FNBP1: variants seen among roughly 807,000 people sequenced by gnomAD.
FNBP1 encodes the protein formin-binding protein 1.
Under a neutral mutation model 90.6 loss-of-function variants are expected in FNBP1, and 26 were observed. The ratio of observed to expected loss-of-function variants is 0.29; its 90% CI spans 0.21 to 0.40. The LOEUF (loss-of-function observed/expected upper bound fraction) is 0.40. FNBP1 is among the 10% of genes least tolerant of loss of function. The probability of loss-of-function intolerance (pLI) is 1.00; values close to 1 mark genes in which losing one functional copy is unlikely to be tolerated. For synonymous variants in FNBP1, 260 were observed against 265.2 expected (o/e 0.98, Z 0.19); for missense variants, 635 against 768.0 (o/e 0.83, Z 2.05).
At chr9:129,935,121 ATTTTT>A (rs11410932) in intron 6 of FNBP1, among the ~76,000 whole-genome samples, 2 of 127,078 alleles carry the variant, frequency 1.6e-5, no homozygotes, top group African/African-American at 5.9e-5. Context: ...TGTTTAGCTC[ATTTTT>A]TTTTTTTTTT....
chr9:129,988,922 AT>A (rs925030169), intron 2 of FNBP1, among the ~76,000 whole-genome samples: 24 of 152,154 alleles, frequency 1.6e-4, no homozygotes, highest in African/African-American at 5.8e-4. Flanking sequence ...CAGAAAAAAA[AT>A]ATTTAATGAT....
At chr9:130,007,925 G>A (rs1404587423) in intron 1 of FNBP1, among the ~76,000 whole-genome samples, 2 of 149,624 alleles carry the variant, frequency 1.3e-5, no homozygotes, top group African/African-American at 4.9e-5. Flanking sequence ...TTGAACCTGG[G>A]AGGTGGAGGT....
chr9:130,029,374 A>T (rs1163357735), intron 1 of FNBP1, among the ~76,000 whole-genome samples: 1 of 152,106 alleles, frequency 6.6e-6, no homozygotes, highest in African/African-American at 2.4e-5. Flanking sequence ...TTGGCCTCCC[A>T]AAGTGCTAAA....
At chr9:130,039,481 C>A (rs988339724) in intron 1 of FNBP1, among the ~76,000 whole-genome samples, 3 of 151,992 alleles carry the variant, frequency 2.0e-5, no homozygotes, top group African/African-American at 4.8e-5. Context: ...TCGAGACCAG[C>A]CTGGCCAACA....
At chr9:130,008,447 A>T (rs2056115975) in intron 1 of FNBP1, among the ~76,000 whole-genome samples, 1 of 152,200 alleles carries the variant, frequency 6.6e-6, no homozygotes, top group African/African-American at 2.4e-5. Context: ...GAGGAAAAGT[A>T]TTAGGGATAA....
intron 11 of FNBP1, among the ~76,000 whole-genome samples, chr9:129,911,123 A>G (rs1225629434): frequency 1.3e-5 from 2 of 152,228 alleles, no homozygotes; most frequent in East Asian, 3.9e-4. Flanking sequence ...CGGCCTCCCA[A>G]CGTCCTGGGA....
At chr9:130,029,510 AATG>A (rs1294151312) in intron 1 of FNBP1, among the ~76,000 whole-genome samples, 10 of 152,144 alleles carry the variant, frequency 6.6e-5, no homozygotes. Context: ...AGTACCTTAA[AATG>A]ATGATAATGT....
chr9:130,007,507 T>C (rs958056019), intron 1 of FNBP1, among the ~76,000 whole-genome samples: 1 of 152,098 alleles, frequency 6.6e-6, no homozygotes, highest in Non-Finnish European at 1.5e-5. Context: ...ATTTTGACTG[T>C]GCTAGAGTCT....
intron 10 of FNBP1, among the ~76,000 whole-genome samples, chr9:129,917,908 T>C (rs1393181608): frequency 6.6e-6 from 1 of 152,200 alleles, no homozygotes; most frequent in African/African-American, 2.4e-5. Context: ...ACAAGACTTA[T>C]GGTGCACAGC....
rs2059993990 is a variant in FNBP1 at position 130,043,167 on chromosome 9, T to C, written c.-192A>G. On this transcript the variant is annotated 5_prime_UTR_variant, in exon 1 of 17. Transcript: ENST00000446176. ...TCCTCCCCGCCGCTCCACAGCAAAA[T>C]GGCCCGAGGAAGCAGCAGCCGCGGC... The C allele has an allele frequency of 1.3e-5, 5 of 386,264 alleles. No homozygotes were observed. The highest frequency in any genetic ancestry group is 2.2e-5 in the Non-Finnish European group (5 of 226,196). 23.9% of individuals were successfully genotyped at this position (386,264 alleles called of 1,614,324 possible).
At chr9:130,030,633 T>C (rs547592384) in intron 1 of FNBP1, among the ~76,000 whole-genome samples, 2 of 152,246 alleles carry the variant, frequency 1.3e-5, no homozygotes, top group East Asian at 3.9e-4. Context: ...TCCAATCCTA[T>C]TTTCATTTTA....
chr9:129,940,494 A>C (rs1239175854), intron 6 of FNBP1, among the ~76,000 whole-genome samples: 3 of 152,118 alleles, frequency 2.0e-5, no homozygotes, highest in Admixed American at 6.6e-5. Context: ...TCTATGAAAA[A>C]GAAGTTATGA....
chr9:129,902,423 C>A (rs1249980676), intron 13 of FNBP1, among the ~76,000 whole-genome samples: 1 of 151,986 alleles, frequency 6.6e-6, no homozygotes, highest in Non-Finnish European at 1.5e-5. Context: ...CAGAGCAAGA[C>A]CTCAACTCTA....
At chr9:129,929,246 CT>C (rs747099946) in intron 7 of FNBP1, among the ~76,000 whole-genome samples, 30 of 151,840 alleles carry the variant, frequency 2.0e-4, no homozygotes, top group Admixed American at 9.9e-4. Flanking sequence ...CCCGTCTCTA[CT>C]AAAAATACAA....
chr9:129,927,429 T>G, intron 7 of FNBP1, 88 bp from the exon 8 acceptor site: 1 of 1,322,934 alleles, frequency 7.6e-7, no homozygotes, highest in Non-Finnish European at 1.1e-6. Flanking sequence ...CTCTAACAAG[T>G]TCTCTTTGAG....
chr9:130,038,691 G>C (rs2059567823), intron 1 of FNBP1, among the ~76,000 whole-genome samples: 1 of 152,074 alleles, frequency 6.6e-6, no homozygotes, highest in Admixed American at 6.6e-5. Flanking sequence ...CACCCACCGC[G>C]CCCAGCCCAC....
chr9:129,913,236 T>C (rs7029572), intron 11 of FNBP1, among the ~76,000 whole-genome samples: 122,820 of 152,128 alleles, frequency 0.81, 49,900 homozygotes, highest in East Asian at 0.9. Flanking sequence ...AAAAACTCAA[T>C]AGCTACATAT....
At chr9:130,038,773 A>G (rs1278636475) in intron 1 of FNBP1, among the ~76,000 whole-genome samples, 3 of 152,160 alleles carry the variant, frequency 2.0e-5, no homozygotes, top group Non-Finnish European at 4.4e-5. Context: ...TACATACTTC[A>G]TTTCTCATTA....
chr9:129,980,204 T>A (rs1749790208), intron 2 of FNBP1, among the ~76,000 whole-genome samples: 2 of 150,948 alleles, frequency 1.3e-5, no homozygotes, highest in East Asian at 2.0e-4. Context: ...TACTAAAAAA[T>A]ACAAAATTAG....
Sources: allele counts gnomAD v4.1 joint callset (sites outside exome capture counted in the v4.1 genomes callset), GRCh38; gene constraint gnomAD v4.1.1; transcripts MANE v1.5; gene names NCBI Gene and HGNC (gene_info 2026-07-23, HGNC 2026-07-21).